Variants in WNK1 observed in about 807,000 individuals in gnomAD.
The protein encoded by WNK1 is WNK lysine deficient protein kinase 1.
WNK1 carries 38 observed loss-of-function variants against 222.8 expected under a neutral mutation model. The ratio of observed to expected loss-of-function variants is 0.17; its 90% CI spans 0.13 to 0.22. The LOEUF is 0.22. Among genes scored for constraint, WNK1 ranks in the 10% least tolerant of loss-of-function variants. The pLI is 1.00. For missense variants in WNK1, 2,348 were observed against 2,918.4 expected (o/e 0.80, Z 4.50); for synonymous variants, 1,090 against 1,092.9 (o/e 1.00, Z 0.05).
chr12:834,957 C>T lies in WNK1; in HGVS notation c.1311+4797C>T, dbSNP rs555714536. ...GTAAACAATGAATATATTGTTTGTACGCGTGTCTATGTGTATGCAAGTGGA... is the reference window on the plus strand; with the variant it reads ...GTAAACAATGAATATATTGTTTGTATGCGTGTCTATGTGTATGCAAGTGGA... On this transcript the variant is annotated intron_variant, in intron 4 of 27. Transcript: ENST00000315939. Among the ~76,000 whole-genome samples, 43 of 152,150 alleles carry T rather than the reference C, an allele frequency of 2.8e-4. No homozygotes were observed. The South Asian group carries it at 7.1e-3, about 25-fold the overall frequency.
intron 5 of WNK1, among the ~76,000 whole-genome samples, chr12:858,021 A>C (rs1950917396): frequency 6.6e-6 from 1 of 152,044 alleles, no homozygotes; most frequent in Non-Finnish European, 1.5e-5. Flanking sequence ...CCATCTTTTC[A>C]CCTCTCCAGT....
chr12:876,416 AAG>A (rs1430928797), intron 9 of WNK1, among the ~76,000 whole-genome samples: 6 of 152,344 alleles, frequency 3.9e-5, no homozygotes. Flanking sequence ...GTCAAAAAAA[AAG>A]AATACATTAT....
chr12:862,380 A>T, intron 8 of WNK1, 110 bp downstream of exon 8: 2 of 1,204,216 alleles, frequency 1.7e-6, no homozygotes, highest in South Asian at 2.6e-5. Context: ...GAAGTAGAAA[A>T]TATAAAATGC....
At chr12:836,132 G>A (rs1949162509) in intron 4 of WNK1, among the ~76,000 whole-genome samples, 1 of 152,090 alleles carries the variant, frequency 6.6e-6, no homozygotes, top group Non-Finnish European at 1.5e-5. Flanking sequence ...ATTAAAACAT[G>A]TAATGAAGTA....
chr12:880,431 C>A (rs1423936854), intron 11 of WNK1, among the ~76,000 whole-genome samples: 2 of 152,150 alleles, frequency 1.3e-5, no homozygotes, highest in African/African-American at 4.8e-5. Flanking sequence ...TTGCATTTTT[C>A]CATTTAAGAT....
intron 4 of WNK1, among the ~76,000 whole-genome samples, chr12:845,169 A>C (rs1041396355): frequency 4.6e-5 from 7 of 152,112 alleles, no homozygotes; most frequent in South Asian, 2.1e-4. Context: ...TGCTGGGATT[A>C]CAGGCGTGAG....
chr12:899,857 G>C (rs1955081123), intron 25 of WNK1, among the ~76,000 whole-genome samples: 1 of 123,280 alleles, frequency 8.1e-6, no homozygotes, highest in Non-Finnish European at 1.8e-5. Flanking sequence ...TTCTAATAGG[G>C]TAAAAAAAAA....
chr12:832,372 A>G (rs925337703), intron 4 of WNK1, among the ~76,000 whole-genome samples: 1 of 152,154 alleles, frequency 6.6e-6, no homozygotes, highest in African/African-American at 2.4e-5. Flanking sequence ...AGAAATGTTT[A>G]TTATTAAAAA....
chr12:844,890 CTTTTTT>C (rs11352734), intron 4 of WNK1, among the ~76,000 whole-genome samples: 1 of 80,428 alleles, frequency 1.2e-5, no homozygotes, highest in African/African-American at 4.6e-5. Context: ...TGTACCTTCT[CTTTTTT>C]TTTTTTTTTT....
intron 4 of WNK1, among the ~76,000 whole-genome samples, chr12:854,237 A>T (rs1950606523): frequency 6.6e-6 from 1 of 151,560 alleles, no homozygotes. Flanking sequence ...GCATGGTGGC[A>T]CACACCTGTA....
At chr12:848,888 AC>A (rs1311970896) in intron 4 of WNK1, among the ~76,000 whole-genome samples, 1 of 152,184 alleles carries the variant, frequency 6.6e-6, no homozygotes, top group African/African-American at 2.4e-5. Context: ...CCTACATCGT[AC>A]CTTTGTCTCC....
At chr12:872,841 G>T (rs1178181591) in intron 9 of WNK1, among the ~76,000 whole-genome samples, 6 of 152,160 alleles carry the variant, frequency 3.9e-5, no homozygotes, top group Non-Finnish European at 7.3e-5. Context: ...ACTGGTTTAA[G>T]ATCAGGAGTT....
At position 862,193 on chromosome 12, in the gene WNK1, G is replaced by C; in HGVS notation, c.2062G>C (p.Gly688Arg). ...CCAACATGAACAGGCACATTCTACA[G>C]GCACAGTCCCAGGGCATATACCTTC... ...GSQHEQAHST[G>R]TVPGHIPSTV... is the part of the protein sequence containing the mutation. The change falls in exon 8 of 28, where the codon GGC becomes CGC. Residue 688 changes from glycine to arginine, a missense_variant. Physicochemically the swap from Gly to Arg is moderately radical, Grantham distance 125. This residue lies in a region of WNK1 where 547 missense variants were observed against 558.3 expected (regional missense o/e 0.98). Coordinates refer to ENST00000315939, the MANE Select transcript of WNK1 (RefSeq NM_018979.4). 1 of 1,614,040 alleles carries C rather than the reference G, an allele frequency of 6.2e-7. No individual in the cohort carries two copies. Among genetic ancestry groups the C allele is most frequent in the South Asian group, 1.1e-5 (1 of 91,070 alleles).
intron 10 of WNK1, 50 bp from the exon 11 acceptor site, chr12:879,513 CTTTTTTTTTT>C (rs10717495): frequency 3.5e-5 from 14 of 403,334 alleles, no homozygotes; most frequent in Non-Finnish European, 4.4e-5. Flanking sequence ...GGCAGCCTTG[CTTTTTTTTTT>C]TTTTTTTTTT....
At chr12:908,304 C>A in intron 27 of WNK1, 171 bp from the exon 28 acceptor site, 1 of 788,710 alleles carries the variant, frequency 1.3e-6, no homozygotes, top group Admixed American at 2.2e-5. Context: ...GACATCCCTC[C>A]CTCTCATGAG....
chr12:846,934 G>A (rs576322291), intron 4 of WNK1, among the ~76,000 whole-genome samples: 5 of 152,164 alleles, frequency 3.3e-5, no homozygotes, highest in Non-Finnish European at 7.4e-5. Context: ...ATTGGAATTA[G>A]CTGAACTGGT....
At chr12:825,870 A>C (rs1275432077) in intron 2 of WNK1, among the ~76,000 whole-genome samples, 1 of 152,196 alleles carries the variant, frequency 6.6e-6, no homozygotes, top group Non-Finnish European at 1.5e-5. Context: ...TCTATTTAAC[A>C]TTTTTAGTGC....
chr12:805,826 T>C (rs1946323121), intron 1 of WNK1, among the ~76,000 whole-genome samples: 1 of 152,206 alleles, frequency 6.6e-6, no homozygotes, highest in East Asian at 1.9e-4. Flanking sequence ...CCTAATGAAA[T>C]CTTGTGGTCA....
At chr12:864,096 G>A (rs1203499919) in intron 8 of WNK1, among the ~76,000 whole-genome samples, 1 of 142,926 alleles carries the variant, frequency 7.0e-6, no homozygotes, top group Non-Finnish European at 1.5e-5. Flanking sequence ...CCCTGTGCCT[G>A]AACATTTTTT....
Sources: allele counts gnomAD v4.1 joint callset (sites outside exome capture counted in the v4.1 genomes callset), GRCh38; gene constraint gnomAD v4.1.1; regional missense constraint gnomAD v4.1.1; transcripts MANE v1.5; gene names NCBI Gene and HGNC (gene_info 2026-07-23, HGNC 2026-07-21).